Variants in CUEDC1 observed in about 807,000 individuals in gnomAD.
The protein encoded by CUEDC1 is CUE domain-containing protein 1.
A neutral mutation model predicts 43.7 loss-of-function variants in CUEDC1; 30 were observed. That is an observed-to-expected ratio of 0.69 (90% CI 0.51 to 0.93). The LOEUF (loss-of-function observed/expected upper bound fraction) is 0.93, where lower values mean the gene tolerates loss of function less well. Among genes scored for constraint, CUEDC1 ranks in the 40% least tolerant of loss-of-function variants. The pLI is 0.00. For missense variants in CUEDC1, 486 were observed against 549.0 expected (o/e 0.89, Z 1.15); for synonymous variants, 223 against 223.6 (o/e 1.00, Z 0.02).
intron 1 of CUEDC1, among the ~76,000 whole-genome samples, chr17:57,914,435 T>C (rs554607194): frequency 2.2e-4 from 34 of 152,250 alleles, no homozygotes; most frequent in Admixed American, 7.2e-4. Context: ...AGTGACTCCA[T>C]AACTTCACCC....
chr17:57,865,471 C>T (rs2073943641), intron 10 of CUEDC1, among the ~76,000 whole-genome samples: 1 of 152,192 alleles, frequency 6.6e-6, no homozygotes, highest in African/African-American at 2.4e-5. Context: ...ATACCTGCCA[C>T]ACCATCAACT....
intron 3 of CUEDC1, among the ~76,000 whole-genome samples, chr17:57,877,192 G>A (rs1326974630): frequency 2.0e-5 from 3 of 152,160 alleles, no homozygotes; most frequent in African/African-American, 7.2e-5. Context: ...AGTCCACAGG[G>A]TCTCCTAAGC....
In CUEDC1 at chr17:57,872,597, C is replaced by T. The variant is rs1245493010; in HGVS notation, c.784+66G>A. On this transcript the variant is annotated intron_variant, in intron 5 of 10. Transcript: ENST00000577830. The stretch of plus-strand genomic sequence containing the variant: ...CCCCAGCTCAGTGTTTTCCTGAGCC[C>T]CAAGGCTAAAGCCAGCATCACCTCC... The T allele has an allele frequency of 1.6e-5, 25 of 1,577,772 alleles. No homozygotes were observed. The South Asian group carries it at 2.0e-4, about 13-fold the overall frequency.
At chr17:57,937,055 G>A (rs1208926193) in intron 1 of CUEDC1, among the ~76,000 whole-genome samples, 5 of 151,756 alleles carry the variant, frequency 3.3e-5, no homozygotes, top group African/African-American at 1.2e-4. Flanking sequence ...TTTTGACCTC[G>A]TGATCTGCCC....
chr17:57,875,618 A>G (rs2074111531), intron 3 of CUEDC1, among the ~76,000 whole-genome samples: 2 of 152,094 alleles, frequency 1.3e-5, no homozygotes, highest in African/African-American at 4.8e-5. Context: ...TTAACGGAAA[A>G]ACAGCAGGCG....
At chr17:57,875,743 G>C (rs1382230244) in intron 3 of CUEDC1, among the ~76,000 whole-genome samples, 4 of 152,002 alleles carry the variant, frequency 2.6e-5, no homozygotes, top group African/African-American at 9.7e-5. Context: ...CCAGCCCAGA[G>C]CCTCTGCCTC....
At chr17:57,945,464 A>G (rs2074951783) in intron 1 of CUEDC1, among the ~76,000 whole-genome samples, 1 of 152,242 alleles carries the variant, frequency 6.6e-6, no homozygotes. Context: ...ACATTCATGC[A>G]AAGACATCCG....
intron 1 of CUEDC1, among the ~76,000 whole-genome samples, chr17:57,900,599 T>C (rs897045532): frequency 2.0e-5 from 3 of 152,212 alleles, no homozygotes; most frequent in Non-Finnish European, 2.9e-5. Flanking sequence ...CATCATTTAA[T>C]CCTCGTGACA....
chr17:57,944,058 G>C (rs1359843564), intron 1 of CUEDC1, among the ~76,000 whole-genome samples: 1 of 151,760 alleles, frequency 6.6e-6, no homozygotes, highest in African/African-American at 2.4e-5. Context: ...TCTGTGCCTC[G>C]GTCTCCTCCT....
chr17:57,937,080 A>C (rs1310694248), intron 1 of CUEDC1, among the ~76,000 whole-genome samples: 1 of 151,724 alleles, frequency 6.6e-6, no homozygotes, highest in Non-Finnish European at 1.5e-5. Context: ...CGGCCTCCCA[A>C]AGTGCTGGGA....
chr17:57,943,651 G>A (rs962915480), intron 1 of CUEDC1, among the ~76,000 whole-genome samples: 1 of 152,138 alleles, frequency 6.6e-6, no homozygotes, highest in Admixed American at 6.5e-5. Context: ...GGGATAGGAG[G>A]GGAAAGAGTC....
chr17:57,909,618 C>T (rs1270388289), intron 1 of CUEDC1, among the ~76,000 whole-genome samples: 1 of 152,238 alleles, frequency 6.6e-6, no homozygotes, highest in African/African-American at 2.4e-5. Context: ...CACACCCAGG[C>T]AGAGAGAAGC....
At chr17:57,901,274 A>C (rs918289007) in intron 1 of CUEDC1, among the ~76,000 whole-genome samples, 4 of 152,126 alleles carry the variant, frequency 2.6e-5, no homozygotes, top group Non-Finnish European at 5.9e-5. Flanking sequence ...CTCTGTGTCC[A>C]CTCTAGGTTC....
In CUEDC1 at chr17:57,885,806, GC is replaced by G. The variant is rs1418688899; in HGVS notation, c.-243del. On this transcript the variant is annotated 5_prime_UTR_variant, in exon 2 of 11. The change creates a premature stop within an existing upstream ORF in the 5' untranslated region. Transcript: ENST00000577830. ...GCGGGGCGGTGGCATGCGGGACCGG[GC>G]CGTGCTGGGGCTGGGCGGCCGGTCA... The G allele has an allele frequency of 7.0e-6, 3 of 428,632 alleles. No individual in the cohort carries two copies. Among genetic ancestry groups the G allele is most frequent in the African/African-American group, 4.2e-5 (2 of 47,986 alleles). The allele number at this position is 428,632 out of a possible 1,614,324, so 26.6% of individuals were successfully genotyped here. A position where few individuals can be genotyped will look rare whatever the true frequency, so the allele number is the denominator to read the frequency against.
At position 57,893,349 on chromosome 17, in the gene CUEDC1, A is replaced by ATGTGTGTGTG. The variant is rs147335365; in HGVS notation, c.-315-7480_-315-7471dup. Among the ~76,000 whole-genome samples the ATGTGTGTGTG allele has an allele frequency of 3.5e-3, 516 of 148,350 alleles. 2 individuals carry two copies. The highest frequency in any genetic ancestry group is 0.012 in the African/African-American group (484 of 40,676). ...AGCAAGAGACAGAGGCTCTCAGGGT[A>ATGTGTGTGTG]TGTGTGTGTGTGTGTGTGTGTGTGT... On this transcript the variant is annotated intron_variant, in intron 1 of 10. Coordinates refer to ENST00000577830, the MANE Select transcript of CUEDC1 (RefSeq NM_001271875.2).
chr17:57,886,824 T>TC (rs980032722), intron 1 of CUEDC1, among the ~76,000 whole-genome samples: 3 of 149,722 alleles, frequency 2.0e-5, no homozygotes, highest in African/African-American at 7.4e-5. Flanking sequence ...GTTGTTTTTT[T>TC]TTTTTTTTTT....
At chr17:57,939,203 G>A (rs983231363) in intron 1 of CUEDC1, among the ~76,000 whole-genome samples, 6 of 152,032 alleles carry the variant, frequency 3.9e-5, no homozygotes, top group Non-Finnish European at 7.4e-5. Flanking sequence ...CTGACCTCAA[G>A]TGATCTGCCT....
rs1393187382 is a variant in CUEDC1, at chr17:57,871,175, T to G, written c.868+111A>C. ...GCCTGCTGAGGAGGCCCAGGCCCCC[T>G]CCCACAATCTGTTTTTTCACCCTCC... is the stretch of plus-strand genomic sequence containing the variant. On this transcript the variant is annotated intron_variant, in intron 6 of 10. Coordinates refer to ENST00000577830, the MANE Select transcript of CUEDC1 (RefSeq NM_001271875.2). 5 of 870,304 alleles carry G rather than the reference T, an allele frequency of 5.7e-6. No homozygotes were observed. The South Asian group carries it at 7.0e-5, about 12-fold the overall frequency. 53.9% of individuals were successfully genotyped at this position (870,304 alleles called of 1,614,324 possible).
chr17:57,902,242 G>A (rs2074480327), intron 1 of CUEDC1, among the ~76,000 whole-genome samples: 1 of 151,970 alleles, frequency 6.6e-6, no homozygotes, highest in Admixed American at 6.6e-5. Context: ...GATGCATTCA[G>A]TGCTTGAACC....
Sources: gnomAD v4.1 joint callset for allele counts (sites outside exome capture counted in the v4.1 genomes callset) on GRCh38, gnomAD v4.1.1 for gene constraint, MANE v1.5 for transcripts, NCBI Gene and HGNC (gene_info 2026-07-23, HGNC 2026-07-21) for gene names.